RELN: variants seen among roughly 807,000 people sequenced by gnomAD.
RELN encodes the protein reelin.
RELN carries 108 observed loss-of-function variants against 427.6 expected under a neutral mutation model. That is an observed-to-expected ratio of 0.25 (90% CI 0.22 to 0.30). The LOEUF is 0.30. Among genes scored for constraint, RELN ranks in the 10% least tolerant of loss-of-function variants. The pLI, the probability that RELN is intolerant of heterozygous loss-of-function variation, is 1.00. For missense variants in RELN, 3,715 were observed against 4,302.8 expected, an observed-to-expected ratio of 0.86 and a Z score of 3.82; for synonymous variants, 1,524 against 1,513.4, an observed-to-expected ratio of 1.01 and a Z score of -0.16.
chr7:103,835,025 A>G (rs1015768971), intron 2 of RELN, among the ~76,000 whole-genome samples: 2 of 152,220 alleles, frequency 1.3e-5, no homozygotes, highest in Non-Finnish European at 2.9e-5. Context: ...TTTATTCATA[A>G]TTGCCAAAAG....
chr7:103,702,662 A>C (rs1350575480), intron 8 of RELN, among the ~76,000 whole-genome samples: 3 of 152,186 alleles, frequency 2.0e-5, no homozygotes, highest in Non-Finnish European at 4.4e-5. Context: ...CAGATGACTC[A>C]CTTTTCCTCA....
intron 2 of RELN, among the ~76,000 whole-genome samples, chr7:103,896,712 C>A (rs537915464): frequency 2.0e-5 from 3 of 152,012 alleles, no homozygotes; most frequent in African/African-American, 7.2e-5. Context: ...CCTCATATAT[C>A]CTTAAGATGT....
chr7:103,642,469 A>G (rs1351306633), intron 16 of RELN, among the ~76,000 whole-genome samples: 1 of 151,040 alleles, frequency 6.6e-6, no homozygotes, highest in African/African-American at 2.4e-5. Context: ...AACCTCACAT[A>G]GAATGATAAC....
chr7:103,795,110 T>C (rs1310037011), intron 3 of RELN, among the ~76,000 whole-genome samples: 33 of 152,240 alleles, frequency 2.2e-4, no homozygotes. Flanking sequence ...TATTCCCTAA[T>C]GCCAACTAGT....
chr7:103,501,812 T>TAATC (rs1329575284), intron 52 of RELN, among the ~76,000 whole-genome samples: 1 of 152,202 alleles, frequency 6.6e-6, no homozygotes, highest in Non-Finnish European at 1.5e-5. Flanking sequence ...ATCCATGAAA[T>TAATC]AATCATTTCC....
At chr7:103,752,017 T>C (rs1283420318) in intron 5 of RELN, among the ~76,000 whole-genome samples, 2 of 152,244 alleles carry the variant, frequency 1.3e-5, no homozygotes, top group East Asian at 1.9e-4. Flanking sequence ...AGATCACTTG[T>C]TTTCTAGAGA....
intron 8 of RELN, among the ~76,000 whole-genome samples, chr7:103,703,074 A>G (rs1300587333): frequency 6.6e-6 from 1 of 152,132 alleles, no homozygotes; most frequent in Admixed American, 6.6e-5. Context: ...CAACTGGAAG[A>G]CCATGATTGG....
At chr7:103,519,010 G>A (rs1028736549) in intron 49 of RELN, among the ~76,000 whole-genome samples, 3 of 151,930 alleles carry the variant, frequency 2.0e-5, no homozygotes, top group African/African-American at 7.3e-5. Flanking sequence ...TTATTTTTCT[G>A]TTTCCATTTT....
chr7:103,475,566 T>TA (rs1186400358), intron 64 of RELN, among the ~76,000 whole-genome samples: 3 of 152,178 alleles, frequency 2.0e-5, no homozygotes, highest in Admixed American at 2.0e-4. Context: ...ATATTTTACA[T>TA]AAAAAAAGAT....
intron 6 of RELN, among the ~76,000 whole-genome samples, chr7:103,739,353 G>A (rs954040989): frequency 6.6e-6 from 1 of 152,178 alleles, no homozygotes; most frequent in African/African-American, 2.4e-5. Flanking sequence ...TCTGAATTTA[G>A]TTATACGAGG....
Position 103,565,419 on chromosome 7 carries a change from T to A in RELN, c.5069A>T (p.Asn1690Ile), listed in dbSNP as rs1830728121. Reference sequence around the variant, plus strand: ...GGTGACAAGATGCCAGTCCTTGCCATTGTTCAGAGAATACTGGAGCTGTAC... The same window carrying A: ...GGTGACAAGATGCCAGTCCTTGCCAATGTTCAGAGAATACTGGAGCTGTAC... ...HSVQLQYSLN[N>I]GKDWHLVTEE... The change falls in exon 34 of 65, where the codon AAT (asparagine) becomes ATT (isoleucine). Residue 1690 changes from asparagine to isoleucine, a missense_variant. Asn to Ile is a moderately radical substitution (Grantham distance 149). Transcript: ENST00000428762. 6.2e-7 allele frequency: 1 copy of A among 1,614,100 alleles called. No individual in the cohort carries two copies. Among genetic ancestry groups the A allele is most frequent in the Non-Finnish European group, 8.5e-7 (1 of 1,180,004 alleles).
chr7:103,525,122 C>T (rs571993197), intron 46 of RELN, among the ~76,000 whole-genome samples: 3 of 152,194 alleles, frequency 2.0e-5, no homozygotes, highest in Admixed American at 2.0e-4. Flanking sequence ...CTCTCTCTTC[C>T]TCTCCCTCCC....
chr7:103,535,598 T>C, intron 45 of RELN, 114 bp from the exon 46 acceptor site: 3 of 1,008,864 alleles, frequency 3.0e-6, no homozygotes, highest in Non-Finnish European at 4.5e-6. Context: ...GTTTGATTTT[T>C]TCCCTACACT....
intron 11 of RELN, among the ~76,000 whole-genome samples, chr7:103,670,909 C>T (rs961231608): frequency 3.3e-5 from 5 of 151,904 alleles, no homozygotes; most frequent in African/African-American, 9.7e-5. Flanking sequence ...CATATTAAAA[C>T]ACCTAAAGTT....
At chr7:103,768,386 G>A (rs957402039) in intron 4 of RELN, among the ~76,000 whole-genome samples, 1 of 151,984 alleles carries the variant, frequency 6.6e-6, no homozygotes, top group African/African-American at 2.4e-5. Context: ...TCTGAATCTG[G>A]TCTATGTTCC....
At chr7:103,552,501 CTTT>C (rs35546410) in intron 40 of RELN, among the ~76,000 whole-genome samples, 6 of 119,328 alleles carry the variant, frequency 5.0e-5, no homozygotes, top group Admixed American at 9.0e-5. Context: ...TTCCTGAATT[CTTT>C]TTTTTTTTTT....
At chr7:103,926,435 C>G (rs565004733) in intron 1 of RELN, among the ~76,000 whole-genome samples, 1 of 151,892 alleles carries the variant, frequency 6.6e-6, no homozygotes, top group South Asian at 2.1e-4. Flanking sequence ...TATGCCATTA[C>G]GAAATTCTTA....
chr7:103,734,470 A>G (rs1414804526), intron 6 of RELN, among the ~76,000 whole-genome samples: 3 of 152,212 alleles, frequency 2.0e-5, no homozygotes, highest in Non-Finnish European at 4.4e-5. Flanking sequence ...CCTCAAAAAT[A>G]TATTTTGCCA....
At chr7:103,861,206 T>C (rs1794064569) in intron 2 of RELN, among the ~76,000 whole-genome samples, 1 of 152,196 alleles carries the variant, frequency 6.6e-6, no homozygotes, top group African/African-American at 2.4e-5. Context: ...ACACTTTCAA[T>C]TCTCTGTGAA....
Sources: allele counts gnomAD v4.1 joint callset (sites outside exome capture counted in the v4.1 genomes callset), GRCh38; gene constraint gnomAD v4.1.1; transcripts MANE v1.5; gene names NCBI Gene and HGNC (gene_info 2026-07-23, HGNC 2026-07-21).